Variants in INTS10 observed in about 807,000 individuals in gnomAD.
INTS10 encodes chromosome 8 open reading frame 35.
In INTS10, 44 loss-of-function variants were observed where a neutral mutation model predicts 94.4. The ratio of observed to expected loss-of-function variants is 0.47; its 90% confidence interval spans 0.37 to 0.60. INTS10 has a LOEUF of 0.60. INTS10 is among the 20% of genes least tolerant of loss of function. The pLI is 0.00. For synonymous variants in INTS10, 341 were observed against 320.7 expected (o/e 1.06, Z -0.68); for missense variants, 797 against 868.7 (o/e 0.92, Z 1.04).
intron 9 of INTS10, among the ~76,000 whole-genome samples, chr8:19,830,098 T>C (rs949983580): frequency 4.6e-5 from 7 of 152,232 alleles, no homozygotes; most frequent in Admixed American, 3.9e-4. Flanking sequence ...TGTAAAAATC[T>C]AAATTTTGAC....
At chr8:19,828,961 C>T (rs925486262) in intron 9 of INTS10, among the ~76,000 whole-genome samples, 10 of 151,964 alleles carry the variant, frequency 6.6e-5, no homozygotes, top group African/African-American at 2.4e-4. Flanking sequence ...GGAAAAGTCA[C>T]CAAGAACAGG....
chr8:19,820,315 G>C, intron 3 of INTS10, 64 bp from the exon 4 acceptor site: 1 of 1,514,558 alleles, frequency 6.6e-7, no homozygotes, highest in African/African-American at 1.4e-5. Context: ...GCCTTACTCA[G>C]CACTGTTGCT....
At chr8:19,829,968 C>G (rs951171475) in intron 9 of INTS10, among the ~76,000 whole-genome samples, 7 of 152,082 alleles carry the variant, frequency 4.6e-5, no homozygotes, top group African/African-American at 1.7e-4. Context: ...ACGCCCGGCC[C>G]CAGGCTTTAA....
chr8:19,831,092 C>T (rs2067193755), intron 10 of INTS10, among the ~76,000 whole-genome samples: 1 of 152,222 alleles, frequency 6.6e-6, no homozygotes, highest in Admixed American at 6.5e-5. Context: ...AAATCACTAG[C>T]TGTTTGCTAA....
chr8:19,842,097 G>A (rs190846135), intron 13 of INTS10: 2 of 237,180 alleles, frequency 8.4e-6, no homozygotes, highest in African/African-American at 4.6e-5. Flanking sequence ...ATTGCTTAAA[G>A]TTATTTCCAC....
chr8:19,838,413 G>A (rs1037868678), intron 13 of INTS10, among the ~76,000 whole-genome samples: 1 of 152,084 alleles, frequency 6.6e-6, no homozygotes, highest in Non-Finnish European at 1.5e-5. Flanking sequence ...AAATAAATCA[G>A]AATGTTCCCT....
chr8:19,833,026 G>C (rs76155424), intron 11 of INTS10, 143 bp from the exon 12 acceptor site: 53 of 560,588 alleles, frequency 9.5e-5, no homozygotes, highest in Non-Finnish European at 1.4e-4. Context: ...CCAATTCTCC[G>C]TTTCTTCCTC....
In INTS10 at chr8:19,817,651, A is replaced by C. The variant is rs375410459; in HGVS notation, c.114A>C (p.Ala38=). The part of the protein sequence containing the change: ...WLITARSLYP[A]DFNIQYEMYT... ...TCACGGCCCGCAGCCTCTACCCGGCAGACTTTAACATCCAGGTGAGGTCCC... is the reference window on the plus strand; with the variant it reads ...TCACGGCCCGCAGCCTCTACCCGGCCGACTTTAACATCCAGGTGAGGTCCC... The change falls in exon 1 of 17, where the codon GCA becomes GCC. Residue 38 remains alanine, a synonymous_variant. Transcript: ENST00000397977. The C allele has an allele frequency of 8.7e-6, 14 of 1,607,142 alleles. No homozygotes were observed. The East Asian group carries it at 1.8e-4, about 21-fold the overall frequency.
Position 19,837,138 on chromosome 8 carries a change from A to C in INTS10, c.1617A>C (p.Lys539Asn). The C allele has an allele frequency of 2.5e-6, 4 of 1,609,688 alleles. No individual in the cohort carries two copies. The highest frequency in any genetic ancestry group is 3.4e-6 in the Non-Finnish European group (4 of 1,175,924). ...DGGKSQEEPS[K>N]VKPKFRKGSD... is the part of the protein sequence containing the mutation. ...GCAAATCCCAGGAGGAACCCTCGAAAGTAAAGCCCAAATTTAGAAAAGGTA... is the reference window on the plus strand; with the variant it reads ...GCAAATCCCAGGAGGAACCCTCGAACGTAAAGCCCAAATTTAGAAAAGGTA... Residue 539 changes from lysine to asparagine, a missense_variant, in exon 13 of 17, where the codon AAA becomes AAC. Coordinates refer to ENST00000397977, the MANE Select transcript of INTS10 (RefSeq NM_018142.4).
Sources: gnomAD v4.1 joint callset for allele counts (sites outside exome capture counted in the v4.1 genomes callset) on GRCh38, gnomAD v4.1.1 for gene constraint, MANE v1.5 for transcripts, NCBI Gene and HGNC (gene_info 2026-07-23, HGNC 2026-07-21) for gene names.